CFAP43: variants seen among roughly 807,000 people sequenced by gnomAD.
CFAP43 encodes cilia- and flagella-associated protein 43.
A neutral mutation model predicts 218.9 loss-of-function variants in CFAP43; 155 were observed. The observed-to-expected ratio is 0.71, with a 90% confidence interval of 0.62 to 0.81. CFAP43 has a LOEUF of 0.81. Among genes scored for constraint, CFAP43 ranks in the 30% least tolerant of loss-of-function variants. The pLI is 0.00. For missense variants in CFAP43, 1,778 were observed against 1,954.3 expected, an observed-to-expected ratio of 0.91 and a Z score of 1.70; for synonymous variants, 645 against 681.3, an observed-to-expected ratio of 0.95 and a Z score of 0.83.
chr10:104,206,176 TG>T, intron 6 of CFAP43, 146 bp from the exon 7 acceptor site: 1 of 642,522 alleles, frequency 1.6e-6, no homozygotes, highest in Non-Finnish European at 2.7e-6. Context: ...CTAACATAGA[TG>T]CTAGATTAGA....
rs539754667 is a variant in CFAP43 at position 104,187,245 on chromosome 10, G to A, written c.1860+75C>T. 22 of 1,245,932 alleles carry A rather than the reference G, an allele frequency of 1.8e-5. No homozygotes were observed. In the East Asian group the frequency reaches 3.0e-4, roughly 17 times the overall value. The allele number at this position is 1,245,932 out of a possible 1,614,324, so 77.2% of individuals were successfully genotyped here. A position where few individuals can be genotyped will look rare whatever the true frequency, so the allele number is the denominator to read the frequency against. On this transcript the variant is annotated intron_variant, in intron 14 of 37. Coordinates refer to ENST00000357060, the MANE Select transcript of CFAP43 (RefSeq NM_025145.7). ...ACTATTCTGTTAAAGTGGTCAAGAGGATCACATCTAATCAGTATAATGTAT... is the reference window on the plus strand; with the variant it reads ...ACTATTCTGTTAAAGTGGTCAAGAGAATCACATCTAATCAGTATAATGTAT...
At chr10:104,158,435 T>C (rs2088692100) in intron 27 of CFAP43, among the ~76,000 whole-genome samples, 1 of 152,184 alleles carries the variant, frequency 6.6e-6, no homozygotes, top group Non-Finnish European at 1.5e-5. Context: ...ATCTACTTAG[T>C]ATGATTGTCA....
chr10:104,133,843 A>T, intron 34 of CFAP43, 59 bp from the exon 35 acceptor site: 1 of 1,395,912 alleles, frequency 7.2e-7, no homozygotes, highest in Non-Finnish European at 9.7e-7. Flanking sequence ...AACATAGAAT[A>T]TTTGAGGCTG....
chr10:104,138,262 T>C (rs1291722520), intron 34 of CFAP43, among the ~76,000 whole-genome samples: 1 of 152,188 alleles, frequency 6.6e-6, no homozygotes, highest in Non-Finnish European at 1.5e-5. Context: ...TAGTGATAAA[T>C]ACATCAGAGA....
intron 5 of CFAP43, among the ~76,000 whole-genome samples, chr10:104,208,156 T>C (rs539365217): frequency 6.6e-6 from 1 of 152,310 alleles, no homozygotes; most frequent in Admixed American, 6.5e-5. Context: ...TTCTGTGGTG[T>C]CTGATTGAGA....
In CFAP43 at chr10:104,207,744, T is replaced by C. The variant is rs1372614893; in HGVS notation, c.816A>G (p.Glu272=). ...TPTSDLYIGC[E]EGHLLMINGD... ...CATTAATCATTAAAAGATGACCCTC[T>C]TCACAGCCAATGTACAAGTCACTTG... Residue 272 remains glutamate (E), a synonymous_variant, in exon 6 of 38, where the codon GAA becomes GAG. Transcript: ENST00000357060. 12 of 1,614,060 alleles carry C rather than the reference T, an allele frequency of 7.4e-6. No homozygotes were observed. In the African/African-American group the frequency reaches 8.0e-5, roughly 11 times the overall value.
At chr10:104,147,851 C>A (rs761273419) in intron 29 of CFAP43, 40 bp downstream of exon 29, 1 of 1,425,180 alleles carries the variant, frequency 7.0e-7, no homozygotes. Context: ...GCATGTCTAT[C>A]AGAAAATGCT....
intron 20 of CFAP43, among the ~76,000 whole-genome samples, chr10:104,171,419 T>C (rs531367651): frequency 3.9e-5 from 6 of 152,352 alleles, no homozygotes; most frequent in African/African-American, 1.2e-4. Flanking sequence ...CTCATTTCTA[T>C]ATCTTCACCC....
chr10:104,231,141 G>A (rs1490037486), intron 1 of CFAP43, among the ~76,000 whole-genome samples: 1 of 152,164 alleles, frequency 6.6e-6, no homozygotes, highest in African/African-American at 2.4e-5. Flanking sequence ...GACTTCTGGG[G>A]TCTTCTATAC....
chr10:104,205,506 CAAGTA>C (rs763831336), intron 7 of CFAP43, among the ~76,000 whole-genome samples: 3 of 152,030 alleles, frequency 2.0e-5, no homozygotes, highest in Non-Finnish European at 2.9e-5. Flanking sequence ...AAGCAAGCAC[CAAGTA>C]AATGGAGGCT....
chr10:104,139,820 A>C (rs2134744792), intron 34 of CFAP43, among the ~76,000 whole-genome samples: 1 of 152,332 alleles, frequency 6.6e-6, no homozygotes, highest in African/African-American at 2.4e-5. Flanking sequence ...AGTGAAAATT[A>C]AGGTAAATAG....
chr10:104,168,555 G>A (rs766424250), intron 21 of CFAP43, among the ~76,000 whole-genome samples, 189 bp downstream of exon 21: 10 of 152,186 alleles, frequency 6.6e-5, no homozygotes, highest in East Asian at 3.8e-4. Flanking sequence ...GGAAGCACAC[G>A]GGGACTGAGC....
In CFAP43 at chr10:104,188,339, G is replaced by A; in HGVS notation, c.1618C>T (p.Leu540Phe). Residue 540 changes from leucine (L) to phenylalanine (F), a missense_variant, in exon 13 of 38, where the codon CTT becomes TTT. Leu to Phe is a conservative substitution (Grantham distance 22, BLOSUM62 0). This residue lies in a region of CFAP43 where 1,553 missense variants were observed against 1,685.2 expected (regional missense o/e 0.92). Coordinates refer to ENST00000357060, the MANE Select transcript of CFAP43 (RefSeq NM_025145.7). ...CTCCCTGCTTCTGGAAGCGAGGAAA[G>A]CACCATCACTTCCACTATGTCTGTT... ...LETDIVEVMV[L>F]SSLPEAGRSR... The A allele has an allele frequency of 1.2e-6, 2 of 1,614,014 alleles. No individual in the cohort carries two copies. The highest frequency in any genetic ancestry group is 1.7e-6 in the Non-Finnish European group (2 of 1,179,966).
At chr10:104,166,400 G>A in intron 23 of CFAP43, 88 bp downstream of exon 23, 1 of 910,754 alleles carries the variant, frequency 1.1e-6, no homozygotes, top group Non-Finnish European at 1.7e-6. Flanking sequence ...ATCATCATTT[G>A]ATTGGCATTT....
intron 1 of CFAP43, 90 bp from the exon 2 acceptor site, chr10:104,230,933 A>G (rs1193372048): frequency 4.3e-6 from 6 of 1,386,462 alleles, no homozygotes; most frequent in Non-Finnish European, 5.7e-6. Flanking sequence ...AATCTTTGAA[A>G]CATTTCTATT....
chr10:104,207,145 C>T (rs2090717193), intron 6 of CFAP43, among the ~76,000 whole-genome samples: 1 of 151,742 alleles, frequency 6.6e-6, no homozygotes, highest in South Asian at 2.1e-4. Flanking sequence ...TGCATCCTAG[C>T]CTGGGTGACA....
At chr10:104,218,784 T>C (rs200402144) in intron 3 of CFAP43, 1 of 550,052 alleles carries the variant, frequency 1.8e-6, no homozygotes. Flanking sequence ...ACACCGGTGG[T>C]TTAGGGTTCC....
At chr10:104,175,084 C>CAAACAAAA in intron 19 of CFAP43, among the ~76,000 whole-genome samples, 1 of 148,678 alleles carries the variant, frequency 6.7e-6, no homozygotes, top group East Asian at 2.0e-4. Flanking sequence ...AACAAACAAA[C>CAAACAAAA]AAACAAAAAA....
intron 30 of CFAP43, among the ~76,000 whole-genome samples, 194 bp downstream of exon 30, chr10:104,146,069 A>C (rs2087951294): frequency 6.6e-6 from 1 of 152,338 alleles, no homozygotes; most frequent in Admixed American, 6.5e-5. Context: ...TAAACCAGAG[A>C]AGCTTATAAA....
Sources: allele counts gnomAD v4.1 joint callset (sites outside exome capture counted in the v4.1 genomes callset), GRCh38; gene constraint gnomAD v4.1.1; regional missense constraint gnomAD v4.1.1; transcripts MANE v1.5; gene names NCBI Gene and HGNC (gene_info 2026-07-23, HGNC 2026-07-21).